Variants in FXR1 observed in about 807,000 individuals in gnomAD.
FXR1 encodes the protein RNA-binding protein FXR1.
In FXR1, 15 loss-of-function variants were observed where a neutral mutation model predicts 84.0. That is an observed-to-expected ratio of 0.18 (90% CI 0.12 to 0.27). The LOEUF is 0.27. FXR1 is among the 10% of genes least tolerant of loss of function. FXR1 has a pLI of 1.00. For missense variants in FXR1, 480 were observed against 774.4 expected (o/e 0.62, Z 4.51); for synonymous variants, 245 against 250.7 (o/e 0.98, Z 0.21).
At chr3:180,953,920 TGTA>T (rs2108472634) in intron 9 of FXR1, 80 bp downstream of exon 9, 1 of 730,310 alleles carries the variant, frequency 1.4e-6, no homozygotes, top group South Asian at 1.6e-5. Context: ...AAACTAGTCT[TGTA>T]GTCTGATAAC....
rs112268383 is a variant in FXR1 at position 180,948,324 on chromosome 3, T to A, written c.271-23T>A. ...ATTATTTTTGTTCAGATGGGATTTT[T>A]AAAGTATTTTGATGTCTTTTAGTTT... On this transcript the variant is annotated intron_variant, in intron 4 of 16. Transcript: ENST00000357559. 66 of 1,532,712 alleles carry A rather than the reference T, an allele frequency of 4.3e-5. No individual in the cohort carries two copies. The African/African-American group carries it at 8.1e-4, about 19-fold the overall frequency. 94.9% of individuals were successfully genotyped at this position (1,532,712 alleles called of 1,614,324 possible). A position where few individuals can be genotyped will look rare whatever the true frequency, so the allele number is the denominator to read the frequency against.
chr3:180,951,468 G>GAGTGCTGAT lies in FXR1; in HGVS notation c.801_801+1insAGTGCTGAT (p.Ser268_Asp270dup). 6.2e-7 allele frequency: 1 copy of GAGTGCTGAT among 1,603,264 alleles called. No individual in the cohort carries two copies. The highest frequency in any genetic ancestry group is 2.2e-5 in the East Asian group (1 of 44,742). ...CTGGAACATTCAGAATCTACGGAGA[G>GAGTGCTGAT]GTAAGTTCTCTTTCTCCTGCCTTGG... On this transcript the variant is annotated inframe_insertion and splice_region_variant. Coordinates refer to ENST00000357559, the MANE Select transcript of FXR1 (RefSeq NM_005087.4).
chr3:180,952,875 C>A (rs1722375791), intron 8 of FXR1, among the ~76,000 whole-genome samples: 2 of 141,824 alleles, frequency 1.4e-5, no homozygotes, highest in Non-Finnish European at 1.5e-5. Flanking sequence ...CTCTGTTGCT[C>A]AGGCTGGAGT....
At chr3:180,920,889 G>A (rs951252863) in intron 1 of FXR1, among the ~76,000 whole-genome samples, 1 of 152,100 alleles carries the variant, frequency 6.6e-6, no homozygotes, top group Non-Finnish European at 1.5e-5. Context: ...ACATACAAAT[G>A]GGTGAACCTA....
chr3:180,931,346 G>C (rs557713856), intron 1 of FXR1, among the ~76,000 whole-genome samples: 1 of 152,098 alleles, frequency 6.6e-6, no homozygotes, highest in East Asian at 2.0e-4. Context: ...GGCCTCCCGA[G>C]TAGCTGGGAT....
chr3:180,928,057 A>G (rs1719436640), intron 1 of FXR1, among the ~76,000 whole-genome samples: 1 of 149,462 alleles, frequency 6.7e-6, no homozygotes, highest in South Asian at 2.1e-4. Context: ...AGTTATAGAT[A>G]ATTGGCTCCT....
At chr3:180,956,167 G>C (rs533264791) in intron 9 of FXR1, among the ~76,000 whole-genome samples, 190 of 152,318 alleles carry the variant, frequency 1.2e-3, no homozygotes, top group African/African-American at 4.3e-3. Context: ...TTCGGGTTCT[G>C]AGAGTTCTAA....
chr3:180,915,538 G>A (rs1337689140), intron 1 of FXR1: 1 of 1,438,170 alleles, frequency 7.0e-7, no homozygotes, highest in Non-Finnish European at 9.5e-7. Flanking sequence ...GGTAATTTTG[G>A]AACTCAGCAA....
intron 1 of FXR1, among the ~76,000 whole-genome samples, chr3:180,917,347 A>G (rs1692694448): frequency 6.6e-6 from 1 of 152,224 alleles, no homozygotes; most frequent in African/African-American, 2.4e-5. Context: ...TGACTTTTCA[A>G]GGTTAGTACA....
intron 7 of FXR1, among the ~76,000 whole-genome samples, chr3:180,950,928 T>C (rs1722170237): frequency 6.6e-6 from 1 of 152,082 alleles, no homozygotes; most frequent in Non-Finnish European, 1.5e-5. Context: ...TAAAACATTT[T>C]GTGGCCGCGT....
In FXR1 at chr3:180,947,847, A is replaced by ATTT. The variant is rs759593988; in HGVS notation, c.199-11_199-9dup. 2 of 1,493,986 alleles carry ATTT rather than the reference A, an allele frequency of 1.3e-6. No homozygotes were observed. Among genetic ancestry groups the ATTT allele is most frequent in the Non-Finnish European group, 1.8e-6 (2 of 1,087,318 alleles). The allele number at this position is 1,493,986 out of a possible 1,614,324, so 92.5% of individuals were successfully genotyped here. A position where few individuals can be genotyped will look rare whatever the true frequency, so the allele number is the denominator to read the frequency against. ...TCTTTTGGGATGAATGGATATAGGC[A>ATTT]TTTTTTTTTCTTCTCAGGTATATTC... is the stretch of plus-strand genomic sequence containing the variant. On this transcript the variant is annotated splice_polypyrimidine_tract_variant and intron_variant, in intron 3 of 16. Transcript: ENST00000357559.
chr3:180,915,014 C>G (rs1455896259), intron 1 of FXR1: 8 of 710,622 alleles, frequency 1.1e-5, no homozygotes, highest in Non-Finnish European at 1.4e-5. Flanking sequence ...TTCACCTTAC[C>G]ATTATCTAAC....
intron 2 of FXR1, among the ~76,000 whole-genome samples, chr3:180,934,261 C>A (rs1720280439): frequency 6.6e-6 from 1 of 152,156 alleles, no homozygotes; most frequent in African/African-American, 2.4e-5. Flanking sequence ...TGAGCAGCTG[C>A]CATTTGGACA....
chr3:180,913,255 C>T (rs1357746620), intron 1 of FXR1, among the ~76,000 whole-genome samples: 1 of 152,154 alleles, frequency 6.6e-6, no homozygotes, highest in African/African-American at 2.4e-5. Context: ...GCCAACAAAT[C>T]TTTAGTGTCT....
At chr3:180,918,130 C>T (rs918418536) in intron 1 of FXR1, among the ~76,000 whole-genome samples, 1 of 151,952 alleles carries the variant, frequency 6.6e-6, no homozygotes, top group Non-Finnish European at 1.5e-5. Context: ...CATTATTTTT[C>T]CGTATTTTTA....
At chr3:180,963,190 G>C (rs1254304647) in intron 13 of FXR1, 100 bp downstream of exon 13, 5 of 615,962 alleles carry the variant, frequency 8.1e-6, no homozygotes, top group East Asian at 2.8e-5. Context: ...TCATTACTCT[G>C]TCTTGGCTTT....
intron 13 of FXR1, among the ~76,000 whole-genome samples, chr3:180,966,970 T>C (rs1219809991): frequency 6.6e-6 from 1 of 152,172 alleles, no homozygotes; most frequent in East Asian, 1.9e-4. Context: ...ATCTTTGTGG[T>C]GTTTAAATAA....
chr3:180,971,117 G>A (rs1037764981), intron 15 of FXR1: 107 of 1,279,158 alleles, frequency 8.4e-5, no homozygotes, highest in Non-Finnish European at 1.1e-4. Context: ...CGTAGCCGCA[G>A]GCGTCGCTTC....
intron 13 of FXR1, among the ~76,000 whole-genome samples, chr3:180,967,250 T>C (rs1387334745): frequency 6.6e-6 from 1 of 152,172 alleles, no homozygotes; most frequent in Admixed American, 6.5e-5. Context: ...TTTAAGATGC[T>C]AGTAAAACAT....
Sources: gnomAD v4.1 joint callset for allele counts (sites outside exome capture counted in the v4.1 genomes callset) on GRCh38, gnomAD v4.1.1 for gene constraint, MANE v1.5 for transcripts, NCBI Gene and HGNC (gene_info 2026-07-23, HGNC 2026-07-21) for gene names.